Variants in GBP3 observed in about 807,000 individuals in gnomAD.
GBP3 encodes guanylate binding protein 3, also known as guanylate-binding protein 3.
GBP3 carries 55 observed loss-of-function variants against 62.4 expected under a neutral mutation model. That is an observed-to-expected ratio of 0.88 (90% CI 0.71 to 1.10). The LOEUF (loss-of-function observed/expected upper bound fraction) is 1.10. Ranked by LOEUF, GBP3 falls within the 50% of genes least tolerant of loss-of-function variation. The probability of loss-of-function intolerance (pLI) is 0.00; values close to 1 mark genes in which losing one functional copy is unlikely to be tolerated. For missense variants in GBP3, 605 were observed against 690.6 expected (o/e 0.88, Z 1.39); for synonymous variants, 208 against 259.2 (o/e 0.80, Z 1.90).
rs1678573328 is a variant in GBP3, at chr1:89,011,635, C to T, written c.1149+112G>A. On this transcript the variant is annotated intron_variant, in intron 7 of 10. Coordinates refer to ENST00000370481, the MANE Select transcript of GBP3 (RefSeq NM_018284.3). ...TATGATTACCAAGAACTAGTTGTCA[C>T]CATTTTAAAATCTAGAATAATTATT... 2 of 1,247,496 alleles carry T rather than the reference C, an allele frequency of 1.6e-6. 1 individual carries two copies. The highest frequency in any genetic ancestry group is 2.2e-6 in the Non-Finnish European group (2 of 899,214). 77.3% of individuals were successfully genotyped at this position (1,247,496 alleles called of 1,614,324 possible).
intron 10 of GBP3, among the ~76,000 whole-genome samples, chr1:89,008,500 C>A (rs953240190): frequency 2.1e-5 from 3 of 145,838 alleles, no homozygotes; most frequent in Non-Finnish European, 3.0e-5. Flanking sequence ...CAAAGTCATA[C>A]TAGATGGGAT....
In GBP3 at chr1:89,015,534, C is replaced by T; in HGVS notation, c.191-120G>A. On this transcript the variant is annotated intron_variant, in intron 2 of 10. Coordinates refer to ENST00000370481, the MANE Select transcript of GBP3 (RefSeq NM_018284.3). ...GAGATAACCAAAACCACAATCAGTA[C>T]TTACGTTACTTATAATCAGAAAAAT... 10 of 758,408 alleles carry T rather than the reference C, an allele frequency of 1.3e-5. No homozygotes were observed. The South Asian group carries it at 3.0e-4, about 23-fold the overall frequency. The allele number at this position is 758,408 out of a possible 1,614,324, so 47.0% of individuals were successfully genotyped here.
At chr1:89,021,508 G>GCACA (rs1360476955) in intron 1 of GBP3, among the ~76,000 whole-genome samples, 23 of 53,522 alleles carry the variant, frequency 4.3e-4, no homozygotes, top group South Asian at 6.0e-4. Context: ...ATGCGCGCGC[G>GCACA]CGCACACACA....
intron 8 of GBP3, 51 bp from the exon 9 acceptor site, chr1:89,009,545 G>A: frequency 6.2e-7 from 1 of 1,605,526 alleles, no homozygotes; most frequent in South Asian, 1.1e-5. Flanking sequence ...CTGTAAGCAG[G>A]TTTTCCTGTT....
At chr1:89,021,526 A>G (rs940996741) in intron 1 of GBP3, among the ~76,000 whole-genome samples, 1 of 138,178 alleles carries the variant, frequency 7.2e-6, no homozygotes, top group African/African-American at 2.5e-5. Flanking sequence ...ACACACACAC[A>G]CACACACACA....
At position 89,010,803 on chromosome 1, in the gene GBP3, A is replaced by G. The variant is rs965173097; in HGVS notation, c.1362+101T>C. 8 of 1,361,514 alleles carry G rather than the reference A, an allele frequency of 5.9e-6. 1 individual carries two copies. The highest frequency in any genetic ancestry group is 1.8e-5 in the Admixed American group (1 of 55,316). The allele number at this position is 1,361,514 out of a possible 1,614,324, so 84.3% of individuals were successfully genotyped here. A position where few individuals can be genotyped will look rare whatever the true frequency, so the allele number is the denominator to read the frequency against. On this transcript the variant is annotated intron_variant, in intron 8 of 10. Coordinates refer to ENST00000370481, the MANE Select transcript of GBP3 (RefSeq NM_018284.3). ...TTGAATGAAAGCATGAATGTTATACAGACAAAAAAGCACATCTGTGTGCAG... is the reference window on the plus strand; with the variant it reads ...TTGAATGAAAGCATGAATGTTATACGGACAAAAAAGCACATCTGTGTGCAG...
intron 8 of GBP3, among the ~76,000 whole-genome samples, chr1:89,009,749 G>T (rs1401177350): frequency 2.0e-5 from 3 of 152,124 alleles, no homozygotes; most frequent in Non-Finnish European, 4.4e-5. Flanking sequence ...CAAATTGAGG[G>T]CTCTAAATTT....
chr1:89,013,929 C>T (rs1678729258), intron 5 of GBP3, 154 bp downstream of exon 5: 1 of 755,056 alleles, frequency 1.3e-6, no homozygotes, highest in Non-Finnish European at 2.1e-6. Flanking sequence ...TTCAAAAAAC[C>T]TTTTCTATTG....
chr1:89,013,027 A>G (rs1678658754), intron 6 of GBP3, among the ~76,000 whole-genome samples, 158 bp downstream of exon 6: 1 of 152,018 alleles, frequency 6.6e-6, no homozygotes. Flanking sequence ...TAGTAGAGAC[A>G]TGGTTTTGCC....
At chr1:89,014,683 G>A (rs201389519) in intron 3 of GBP3, 27 bp from the exon 4 acceptor site, 20 of 1,613,650 alleles carry the variant, frequency 1.2e-5, no homozygotes, top group South Asian at 1.1e-5. Context: ...ACTGGAGTCA[G>A]GAGCAAGTTT....
At chr1:89,010,686 C>T (rs1678506029) in intron 8 of GBP3, among the ~76,000 whole-genome samples, 1 of 139,172 alleles carries the variant, frequency 7.2e-6, no homozygotes, top group African/African-American at 2.5e-5. Context: ...GTTAGGATTA[C>T]AGGCTTGAGC....
Position 89,021,510 on chromosome 1 carries a change from G to GCGCA in GBP3, c.-22-768_-22-767insTGCG, listed in dbSNP as rs751639388. ...CTAAGAAACACGCATGCGCGCGCGC[G>GCGCA]CACACACACACACACACACACACAC... is the stretch of plus-strand genomic sequence containing the variant. On this transcript the variant is annotated intron_variant, in intron 1 of 10. Transcript: ENST00000370481. Among the ~76,000 whole-genome samples, 1,218 of 131,698 alleles carry GCGCA rather than the reference G, an allele frequency of 9.2e-3. 18 individuals are homozygous for GCGCA. The highest frequency in any genetic ancestry group is 0.038 in the East Asian group (163 of 4,292). The allele number at this position is 131,698 out of a possible 152,430, so 86.4% of individuals were successfully genotyped here.
intron 2 of GBP3, chr1:89,020,066 C>T: frequency 4.2e-6 from 1 of 239,772 alleles, no homozygotes; most frequent in Non-Finnish European, 8.6e-6. Context: ...ATGATGAAAC[C>T]CTGTGTCTAC....
rs1678396098 is a variant in GBP3, at chr1:89,009,013, C to T, written c.1593G>A (p.Glu531=). The T allele has an allele frequency of 1.2e-6, 2 of 1,614,222 alleles. No homozygotes were observed. The highest frequency in any genetic ancestry group is 1.7e-6 in the Non-Finnish European group (2 of 1,180,026). The part of the protein sequence containing the change: ...SYQEHVKQLT[E]KMERERAQLL... ...ACTGGGCCCTCTCCCTCTCCATCTT[C>T]TCAGTCAATTGTTTCACATGTTCTT... The change falls in exon 10 of 11, where the codon GAG becomes GAA. Residue 531 remains glutamate, a synonymous_variant. Transcript: ENST00000370481.
At chr1:89,018,631 C>T (rs1365667606) in intron 2 of GBP3, among the ~76,000 whole-genome samples, 1 of 152,198 alleles carries the variant, frequency 6.6e-6, no homozygotes, top group Non-Finnish European at 1.5e-5. Flanking sequence ...CTGATGCACA[C>T]ACTATATTGT....
At position 89,006,810 on chromosome 1, in the gene GBP3, T is replaced by C. The variant is rs1183354227; in HGVS notation, c.*914A>G. 2 of 152,246 alleles carry C rather than the reference T, an allele frequency of 1.3e-5. No homozygotes were observed. The highest frequency in any genetic ancestry group is 3.8e-4 in the East Asian group (2 of 5,200). The allele number at this position is 152,246 out of a possible 1,614,324, so 9.4% of individuals were successfully genotyped here. On this transcript the variant is annotated 3_prime_UTR_variant, in exon 11 of 11. Coordinates refer to ENST00000370481, the MANE Select transcript of GBP3 (RefSeq NM_018284.3). ...ATATACTAAGTAATGGCAAGACAAT[T>C]ATTTTATTGCTCAAAAGAAAGTCAA... is the stretch of plus-strand genomic sequence containing the variant.
chr1:89,019,050 T>C (rs146113757), intron 2 of GBP3, among the ~76,000 whole-genome samples: 53 of 152,336 alleles, frequency 3.5e-4, no homozygotes, highest in African/African-American at 1.2e-3. Context: ...TGGAAAATGA[T>C]ACAGCAATTC....
At position 89,007,117 on chromosome 1, in the gene GBP3, C is replaced by T. The variant is rs942028970; in HGVS notation, c.*607G>A. The T allele has an allele frequency of 1.3e-5, 2 of 152,168 alleles. No homozygotes were observed. The highest frequency in any genetic ancestry group is 4.8e-5 in the African/African-American group (2 of 41,426). 9.4% of individuals were successfully genotyped at this position (152,168 alleles called of 1,614,324 possible). On this transcript the variant is annotated 3_prime_UTR_variant, in exon 11 of 11. Coordinates refer to ENST00000370481, the MANE Select transcript of GBP3 (RefSeq NM_018284.3). Reference sequence around the variant, plus strand: ...AAGGTTATAATCTAGATGAATTGAACAAGAAAGAAAAGATTTCTTCATTAG... The same window carrying T: ...AAGGTTATAATCTAGATGAATTGAATAAGAAAGAAAAGATTTCTTCATTAG...
At chr1:89,011,620 A>G in intron 7 of GBP3, 127 bp downstream of exon 7, 2 of 1,148,828 alleles carry the variant, frequency 1.7e-6, no homozygotes, top group Non-Finnish European at 2.4e-6. Flanking sequence ...TATGATTACC[A>G]AGAACTAGTT....
Sources: allele counts gnomAD v4.1 joint callset (sites outside exome capture counted in the v4.1 genomes callset), GRCh38; gene constraint gnomAD v4.1.1; transcripts MANE v1.5; gene names NCBI Gene and HGNC (gene_info 2026-07-23, HGNC 2026-07-21).